Variants in PARD3 observed in about 807,000 individuals in gnomAD.
PARD3 encodes par-3 family cell polarity regulator.
Under a neutral mutation model 155.4 loss-of-function variants are expected in PARD3, and 75 were observed. That is an observed-to-expected ratio of 0.48 (90% CI 0.40 to 0.58). PARD3 has a LOEUF of 0.58. PARD3 is among the 20% of genes least tolerant of loss of function. The probability of loss-of-function intolerance (pLI) is 0.00; values close to 1 mark genes in which losing one functional copy is unlikely to be tolerated. For synonymous variants in PARD3, 576 were observed against 610.5 expected (o/e 0.94, Z 0.83); for missense variants, 1,642 against 1,721.7 (o/e 0.95, Z 0.82).
At chr10:34,315,563 G>A (rs2096947766) in intron 20 of PARD3, among the ~76,000 whole-genome samples, 1 of 152,162 alleles carries the variant, frequency 6.6e-6, no homozygotes, top group African/African-American at 2.4e-5. Context: ...CCTGTAATTT[G>A]AAGAAGACAG....
chr10:34,413,142 T>TACACACACACACACAC (rs1336586740), intron 5 of PARD3, among the ~76,000 whole-genome samples: 17 of 132,550 alleles, frequency 1.3e-4, no homozygotes, highest in African/African-American at 4.2e-4. Flanking sequence ...TTCAGATATA[T>TACACACACACACACAC]ATACACACAC....
At chr10:34,341,873 C>T in intron 15 of PARD3, 57 bp from the exon 16 acceptor site, 1 of 1,065,344 alleles carries the variant, frequency 9.4e-7, no homozygotes, top group Non-Finnish European at 1.4e-6. Flanking sequence ...AGTGTTACAT[C>T]TATTAATTTT....
At chr10:34,751,970 C>T (rs1564580252) in intron 1 of PARD3, among the ~76,000 whole-genome samples, 1 of 151,942 alleles carries the variant, frequency 6.6e-6, no homozygotes. Context: ...TCAGCTTCCT[C>T]GGACTTTGCG....
intron 22 of PARD3, among the ~76,000 whole-genome samples, chr10:34,179,765 A>C (rs992635796): frequency 3.9e-5 from 6 of 152,206 alleles, no homozygotes; most frequent in Non-Finnish European, 8.8e-5. Context: ...AGCAAATAAA[A>C]TAATCACAAT....
At chr10:34,195,241 A>AT (rs1262487545) in intron 22 of PARD3, among the ~76,000 whole-genome samples, 3 of 152,224 alleles carry the variant, frequency 2.0e-5, no homozygotes, top group Admixed American at 6.5e-5. Flanking sequence ...AAACTTAATT[A>AT]TTTTTGTATG....
chr10:34,160,815 C>T (rs1185657524), intron 22 of PARD3, among the ~76,000 whole-genome samples: 2 of 152,136 alleles, frequency 1.3e-5, no homozygotes, highest in Non-Finnish European at 2.9e-5. Context: ...ATTAACTTAC[C>T]GCAACCTCAT....
In PARD3 at chr10:34,371,490, A is replaced by C. The variant is rs964636093; in HGVS notation, c.1707+1008T>G. On this transcript the variant is annotated intron_variant, in intron 12 of 24. Transcript: ENST00000374788. ...AATATGGTGAGATTCTAGACTCAAA[A>C]AAAAAAAAAAAAAAAAAAAAAAAAA... Among the ~76,000 whole-genome samples, 25 of 33,630 alleles carry C rather than the reference A, an allele frequency of 7.4e-4. 4 individuals carry two copies. In the African/African-American group the frequency reaches 9.0e-3, roughly 12 times the overall value. The allele number at this position is 33,630 out of a possible 152,430, so 22.1% of individuals were successfully genotyped here. A position where few individuals can be genotyped will look rare whatever the true frequency, so the allele number is the denominator to read the frequency against.
intron 22 of PARD3, among the ~76,000 whole-genome samples, chr10:34,167,303 C>A (rs140000993): frequency 1.3e-5 from 2 of 152,262 alleles, no homozygotes; most frequent in African/African-American, 4.8e-5. Flanking sequence ...CATCAACCAT[C>A]GTTGCACGGG....
chr10:34,281,498 A>C (rs1377159032), intron 21 of PARD3, among the ~76,000 whole-genome samples: 1 of 152,082 alleles, frequency 6.6e-6, no homozygotes, highest in African/African-American at 2.4e-5. Context: ...CAGAGCACAG[A>C]TCCATACAGT....
chr10:34,319,083 T>G (rs2134145073), intron 19 of PARD3, among the ~76,000 whole-genome samples: 1 of 147,326 alleles, frequency 6.8e-6, no homozygotes, highest in East Asian at 2.0e-4. Flanking sequence ...CCAGACTTTT[T>G]TTTTTTTTTT....
chr10:34,351,527 T>C (rs1009631576), intron 14 of PARD3, among the ~76,000 whole-genome samples: 1 of 152,208 alleles, frequency 6.6e-6, no homozygotes, highest in African/African-American at 2.4e-5. Flanking sequence ...CAGATTTTAG[T>C]TTTGGAGGAG....
chr10:34,253,308 TCATGCTC>T (rs1954441653), intron 22 of PARD3, among the ~76,000 whole-genome samples: 1 of 152,216 alleles, frequency 6.6e-6, no homozygotes, highest in Non-Finnish European at 1.5e-5. Flanking sequence ...CTTTAACCCC[TCATGCTC>T]CAGCAAAGCC....
chr10:34,157,954 C>A (rs373344956), intron 22 of PARD3, among the ~76,000 whole-genome samples: 7 of 152,322 alleles, frequency 4.6e-5, no homozygotes, highest in African/African-American at 1.7e-4. Flanking sequence ...GCAACCAGCA[C>A]AAATGTACAT....
chr10:34,269,489 A>T (rs555100315), intron 22 of PARD3, among the ~76,000 whole-genome samples, 168 bp downstream of exon 22: 1 of 152,330 alleles, frequency 6.6e-6, no homozygotes, highest in Non-Finnish European at 1.5e-5. Context: ...TGATCCTTCC[A>T]TTAGGTTTCA....
At chr10:34,318,892 A>T (rs1958189028) in intron 19 of PARD3, among the ~76,000 whole-genome samples, 1 of 151,530 alleles carries the variant, frequency 6.6e-6, no homozygotes, top group Non-Finnish European at 1.5e-5. Flanking sequence ...CAGCCTCCCG[A>T]GTAGCTGGGA....
Position 34,111,086 on chromosome 10 carries a change from G to T in PARD3, c.*83C>A. On this transcript the variant is annotated 3_prime_UTR_variant, in exon 25 of 25. Transcript: ENST00000374788. ...AGAAATACTCCATAGTACCATCGAG[G>T]TTTTAAAAAAACTCCCAAAATACAA... 1 of 1,450,340 alleles carries T rather than the reference G, an allele frequency of 6.9e-7. No homozygotes were observed. Among genetic ancestry groups the T allele is most frequent in the Non-Finnish European group, 9.3e-7 (1 of 1,079,770 alleles). 89.8% of individuals were successfully genotyped at this position (1,450,340 alleles called of 1,614,324 possible).
At chr10:34,727,901 C>T (rs2094746772) in intron 1 of PARD3, among the ~76,000 whole-genome samples, 1 of 139,950 alleles carries the variant, frequency 7.1e-6, no homozygotes, top group African/African-American at 2.5e-5. Flanking sequence ...CACACACACA[C>T]ACACACCACT....
chr10:34,393,150 TAAAA>T (rs34936875), intron 7 of PARD3, among the ~76,000 whole-genome samples: 21 of 133,894 alleles, frequency 1.6e-4, no homozygotes, highest in Non-Finnish European at 2.5e-4. Context: ...TACTAGATCT[TAAAA>T]AAAAAAAAAA....
At chr10:34,165,193 CTG>C (rs1201984288) in intron 22 of PARD3, among the ~76,000 whole-genome samples, 1 of 152,208 alleles carries the variant, frequency 6.6e-6, no homozygotes, top group Non-Finnish European at 1.5e-5. Flanking sequence ...CTTTGCACCT[CTG>C]AGAATATGAA....
Sources: allele counts gnomAD v4.1 joint callset (sites outside exome capture counted in the v4.1 genomes callset), GRCh38; gene constraint gnomAD v4.1.1; transcripts MANE v1.5; gene names NCBI Gene and HGNC (gene_info 2026-07-23, HGNC 2026-07-21).